The following TSTD2 variants were observed in gnomAD, a reference collection of about 807,000 sequenced individuals.
The protein encoded by TSTD2 is thiosulfate sulfurtransferase like domain containing 2, also known as thiosulfate sulfurtransferase/rhodanese-like domain-containing protein 2.
A neutral mutation model predicts 47.9 loss-of-function variants in TSTD2; 37 were observed. The observed-to-expected ratio is 0.77, with a 90% CI of 0.59 to 1.02. The LOEUF (loss-of-function observed/expected upper bound fraction) is 1.02, where lower values mean the gene tolerates loss of function less well. Ranked by LOEUF, TSTD2 falls within the 50% of genes least tolerant of loss-of-function variation. The pLI, the probability that TSTD2 is intolerant of heterozygous loss-of-function variation, is 0.00. For missense variants in TSTD2, 586 were observed against 616.0 expected (o/e 0.95, Z 0.52); for synonymous variants, 201 against 215.9 (o/e 0.93, Z 0.61).
At chr9:97,626,520 A>G (rs1372664088) in intron 2 of TSTD2, among the ~76,000 whole-genome samples, 1 of 152,218 alleles carries the variant, frequency 6.6e-6, no homozygotes, top group Non-Finnish European at 1.5e-5. Flanking sequence ...GTACCAAAAT[A>G]TCTTCCTTCT....
intron 4 of TSTD2, among the ~76,000 whole-genome samples, chr9:97,612,413 A>G (rs1438473709): frequency 1.3e-5 from 2 of 152,208 alleles, no homozygotes. Context: ...GTCTTTGAGG[A>G]ATTACCACAT....
At chr9:97,615,194 T>A (rs1361823517) in intron 4 of TSTD2, among the ~76,000 whole-genome samples, 1 of 152,260 alleles carries the variant, frequency 6.6e-6, no homozygotes. Context: ...CAGGATTCTC[T>A]AACAGAAATC....
chr9:97,606,374 T>A, intron 6 of TSTD2, 113 bp from the exon 7 acceptor site: 1 of 627,268 alleles, frequency 1.6e-6, no homozygotes, highest in Non-Finnish European at 2.8e-6. Flanking sequence ...CCCAAATCTC[T>A]TCTCTTCATA....
At chr9:97,631,891 T>G (rs536124522) in intron 1 of TSTD2, among the ~76,000 whole-genome samples, 1 of 152,204 alleles carries the variant, frequency 6.6e-6, no homozygotes, top group East Asian at 1.9e-4. Context: ...ACTTGGATAA[T>G]GTCCAAAGTC....
intron 9 of TSTD2, chr9:97,602,991 T>C (rs1267504251): frequency 2.4e-5 from 11 of 458,630 alleles, no homozygotes; most frequent in Non-Finnish European, 3.9e-5. Context: ...GCTTCCAGTA[T>C]TTACTGACTT....
intron 3 of TSTD2, among the ~76,000 whole-genome samples, chr9:97,621,745 G>C (rs570839322): frequency 6.6e-6 from 1 of 152,306 alleles, no homozygotes; most frequent in African/African-American, 2.4e-5. Flanking sequence ...CCTGTTTCCT[G>C]TTAAGATGTT....
chr9:97,601,557 C>G lies in TSTD2; in HGVS notation c.*912G>C. On this transcript the variant is annotated 3_prime_UTR_variant, in exon 10 of 10. Coordinates refer to ENST00000341170, the MANE Select transcript of TSTD2 (RefSeq NM_139246.5). ...GAAGGCCACATCTTTAAGGCCACCT[C>G]TGCCTCTATCAGATGAGCTGCTGGT... 4.0e-6 allele frequency: 4 copies of G among 988,520 alleles called. No homozygotes were observed. The highest frequency in any genetic ancestry group is 4.8e-6 in the Non-Finnish European group (4 of 831,962). 61.2% of individuals were successfully genotyped at this position (988,520 alleles called of 1,614,324 possible).
At chr9:97,613,236 G>C (rs1158710673) in intron 4 of TSTD2, among the ~76,000 whole-genome samples, 1 of 152,186 alleles carries the variant, frequency 6.6e-6, no homozygotes, top group South Asian at 2.1e-4. Context: ...GTACATCTGA[G>C]GGCTGAGGGT....
intron 3 of TSTD2, among the ~76,000 whole-genome samples, chr9:97,620,494 G>A (rs574713695): frequency 5.3e-5 from 8 of 152,220 alleles, no homozygotes; most frequent in Non-Finnish European, 1.2e-4. Context: ...AAGTGATTTT[G>A]GAACTAGGTA....
intron 5 of TSTD2, 103 bp from the exon 6 acceptor site, chr9:97,610,554 G>T: frequency 3.6e-6 from 3 of 824,554 alleles, no homozygotes; most frequent in Non-Finnish European, 3.5e-6. Context: ...AATAACAATA[G>T]CTGAAGTCTT....
intron 4 of TSTD2, among the ~76,000 whole-genome samples, chr9:97,615,138 C>T (rs1826523905): frequency 6.6e-6 from 1 of 152,224 alleles, no homozygotes; most frequent in South Asian, 2.1e-4. Flanking sequence ...CCCTATATAG[C>T]TAGGGCAGAG....
At chr9:97,614,648 G>A (rs977233435) in intron 4 of TSTD2, among the ~76,000 whole-genome samples, 6 of 152,224 alleles carry the variant, frequency 3.9e-5, no homozygotes, top group African/African-American at 1.4e-4. Context: ...TATGCGCCAT[G>A]TGAAGGTGCA....
intron 4 of TSTD2, among the ~76,000 whole-genome samples, chr9:97,614,298 C>T (rs1192957650): frequency 6.6e-6 from 1 of 152,048 alleles, no homozygotes; most frequent in African/African-American, 2.4e-5. Flanking sequence ...TAAAAACCAT[C>T]GATAACCCTA....
chr9:97,616,851 CGATAATCCTACATGCCTA>C (rs1222899328), intron 4 of TSTD2, among the ~76,000 whole-genome samples: 1 of 152,188 alleles, frequency 6.6e-6, no homozygotes, highest in Non-Finnish European at 1.5e-5. Context: ...TAAAAACCAT[CGATAATCCTACATGCCTA>C]GATAATCCTT....
chr9:97,600,360 C>T lies in TSTD2; in HGVS notation c.*2109G>A. 1.2e-5 allele frequency: 12 copies of T among 986,038 alleles called. No individual in the cohort carries two copies. The highest frequency in any genetic ancestry group is 1.4e-5 in the Non-Finnish European group (12 of 830,182). 61.1% of individuals were successfully genotyped at this position (986,038 alleles called of 1,614,324 possible). A position where few individuals can be genotyped will look rare whatever the true frequency, so the allele number is the denominator to read the frequency against. ...TGAAATTTCAAGTTTCAAAAACCAA[C>T]CTTTCATTACCAATCCCAGGCAACA... On this transcript the variant is annotated 3_prime_UTR_variant, in exon 10 of 10. Coordinates refer to ENST00000341170, the MANE Select transcript of TSTD2 (RefSeq NM_139246.5).
At position 97,600,655 on chromosome 9, in the gene TSTD2, T is replaced by C; in HGVS notation, c.*1814A>G. ...TTCAGCTACTGATCTCATCACTTAT[T>C]AGACAAATTGCTGCTGACCTTACGC... On this transcript the variant is annotated 3_prime_UTR_variant, in exon 10 of 10. Coordinates refer to ENST00000341170, the MANE Select transcript of TSTD2 (RefSeq NM_139246.5). 1 of 991,642 alleles carries C rather than the reference T, an allele frequency of 1.0e-6. No individual in the cohort carries two copies. The highest frequency in any genetic ancestry group is 1.2e-6 in the Non-Finnish European group (1 of 833,824). The allele number at this position is 991,642 out of a possible 1,614,324, so 61.4% of individuals were successfully genotyped here.
chr9:97,613,828 T>C (rs1218365017), intron 4 of TSTD2, among the ~76,000 whole-genome samples: 2 of 111,262 alleles, frequency 1.8e-5, no homozygotes, highest in South Asian at 5.0e-4. Context: ...TGATCAATTC[T>C]TTTTTTTTTT....
At chr9:97,609,483 TAA>T (rs1295568567) in intron 6 of TSTD2, among the ~76,000 whole-genome samples, 1 of 152,168 alleles carries the variant, frequency 6.6e-6, no homozygotes, top group African/African-American at 2.4e-5. Context: ...GAAAGACACT[TAA>T]AGAGACATAC....
At chr9:97,619,308 AG>A (rs1302414673) in intron 3 of TSTD2, among the ~76,000 whole-genome samples, 1 of 152,198 alleles carries the variant, frequency 6.6e-6, no homozygotes, top group Non-Finnish European at 1.5e-5. Flanking sequence ...TTTGGACTAC[AG>A]TTGACCCGTG....
Sources: allele counts gnomAD v4.1 joint callset (sites outside exome capture counted in the v4.1 genomes callset), GRCh38; gene constraint gnomAD v4.1.1; transcripts MANE v1.5; gene names NCBI Gene and HGNC (gene_info 2026-07-23, HGNC 2026-07-21).